TFEB: variants seen among roughly 807,000 people sequenced by gnomAD.
TFEB encodes T-cell transcription factor EB.
A neutral mutation model predicts 48.0 loss-of-function variants in TFEB; 12 were observed. The observed-to-expected ratio is 0.25, with a 90% CI of 0.16 to 0.40. TFEB has a LOEUF of 0.40. Ranked by LOEUF, TFEB falls within the 10% of genes least tolerant of loss-of-function variation. TFEB has a pLI of 1.00. For synonymous variants in TFEB, 244 were observed against 261.4 expected (o/e 0.93, Z 0.64); for missense variants, 509 against 640.3 (o/e 0.79, Z 2.21).
chr6:41,700,060 A>G (rs1769813917), intron 1 of TFEB, among the ~76,000 whole-genome samples: 1 of 152,324 alleles, frequency 6.6e-6, no homozygotes, highest in East Asian at 1.9e-4. Context: ...CAGCACACAA[A>G]GGCTGTCATG....
At chr6:41,705,613 C>T (rs1245834364) in intron 1 of TFEB, 1 of 152,496 alleles carries the variant, frequency 6.6e-6, no homozygotes, top group African/African-American at 2.4e-5. Flanking sequence ...CAACTCCACA[C>T]CCATTTTCAG....
intron 1 of TFEB, among the ~76,000 whole-genome samples, chr6:41,709,959 T>C (rs1186122804): frequency 6.6e-6 from 1 of 152,044 alleles, no homozygotes; most frequent in South Asian, 2.1e-4. Context: ...CACTAATTTG[T>C]TTATTTTTTG....
At chr6:41,697,981 A>G (rs1382249904) in intron 1 of TFEB, among the ~76,000 whole-genome samples, 2 of 152,248 alleles carry the variant, frequency 1.3e-5, no homozygotes, top group Non-Finnish European at 2.9e-5. Context: ...GTGTGGTTTT[A>G]AAAGCCTTTT....
chr6:41,734,266 G>T lies in TFEB; in HGVS notation c.-23+1084C>A. 1.2e-6 allele frequency: 1 copy of T among 819,428 alleles called. No homozygotes were observed. Among genetic ancestry groups the T allele is most frequent in the Non-Finnish European group, 1.5e-6 (1 of 678,480 alleles). 50.8% of individuals were successfully genotyped at this position (819,428 alleles called of 1,614,324 possible). ...CGGAGGGCGGGGGCCTGGGCCCAGC[G>T]GGGTTCGCGCAGACAAGCCCCGCCC... On this transcript the variant is annotated intron_variant, in intron 1 of 8. Transcript: ENST00000373033. This position sits in a 1 kb window ranked among gnomAD's most constrained non-coding sequence, Gnocchi z 4.0.
chr6:41,706,199 CA>C (rs769237099), intron 1 of TFEB, among the ~76,000 whole-genome samples: 8 of 152,220 alleles, frequency 5.3e-5, no homozygotes, highest in Non-Finnish European at 1.0e-4. Context: ...AGGCCTGCCC[CA>C]ACTGTCCCCT....
intron 1 of TFEB, among the ~76,000 whole-genome samples, chr6:41,700,339 G>A (rs1181507579): frequency 2.0e-5 from 3 of 152,002 alleles, no homozygotes; most frequent in African/African-American, 4.8e-5. Context: ...GGTGGCGGGC[G>A]CCTGTAGTCC....
At chr6:41,704,193 C>A (rs1003866357) in intron 1 of TFEB, among the ~76,000 whole-genome samples, 1 of 152,222 alleles carries the variant, frequency 6.6e-6, no homozygotes, top group East Asian at 1.9e-4. Flanking sequence ...GAGCCTCTGA[C>A]CCCGCCTCCA....
At chr6:41,704,834 G>A (rs777679949) in intron 1 of TFEB, among the ~76,000 whole-genome samples, 2 of 152,230 alleles carry the variant, frequency 1.3e-5, no homozygotes, top group Non-Finnish European at 2.9e-5. Flanking sequence ...AAATTAAGCA[G>A]CCTGATTCTC....
At chr6:41,731,636 G>A (rs1771454087) in intron 1 of TFEB, among the ~76,000 whole-genome samples, 1 of 152,114 alleles carries the variant, frequency 6.6e-6, no homozygotes, top group African/African-American at 2.4e-5. Context: ...CACACAGCCA[G>A]TGAGAGGCAC....
intron 1 of TFEB, among the ~76,000 whole-genome samples, chr6:41,701,391 A>G (rs1769913551): frequency 6.6e-6 from 1 of 152,320 alleles, no homozygotes; most frequent in South Asian, 2.1e-4. Flanking sequence ...CCTCAGCTAC[A>G]AGGAAGTTTC....
At chr6:41,728,709 ACT>A (rs1178699028) in intron 1 of TFEB, among the ~76,000 whole-genome samples, 1 of 151,624 alleles carries the variant, frequency 6.6e-6, no homozygotes, top group Non-Finnish European at 1.5e-5. Flanking sequence ...GTGCTGGCAG[ACT>A]CTCTGTGGGG....
chr6:41,689,635 G>T, intron 4 of TFEB, 96 bp downstream of exon 4: 1 of 934,010 alleles, frequency 1.1e-6, no homozygotes, highest in Non-Finnish European at 1.7e-6. Flanking sequence ...TCTGCCCAGT[G>T]AGAACCCTGT....
chr6:41,719,889 C>G (rs1342543191), intron 1 of TFEB, among the ~76,000 whole-genome samples: 1 of 152,192 alleles, frequency 6.6e-6, no homozygotes, highest in African/African-American at 2.4e-5. Context: ...GATTTAACCT[C>G]TCTGGGCCTC....
At chr6:41,714,126 C>T (rs9462741) in intron 1 of TFEB, among the ~76,000 whole-genome samples, 28 of 119,340 alleles carry the variant, frequency 2.3e-4, no homozygotes, top group East Asian at 5.2e-4. Context: ...TGTGTGTGTG[C>T]GTGTGCATGT....
intron 1 of TFEB, among the ~76,000 whole-genome samples, chr6:41,727,563 G>A (rs754255187): frequency 4.6e-5 from 7 of 152,180 alleles, no homozygotes; most frequent in Non-Finnish European, 5.9e-5. Context: ...GTAGTGGCAC[G>A]TGCCTCTGGT....
Position 41,691,080 on chromosome 6 carries a change from A to AGCT in TFEB, c.131_133dup (p.Gln44dup), listed in dbSNP as rs774309377. On this transcript the variant is annotated inframe_insertion, in exon 2 of 9. Transcript: ENST00000373033. This position sits in a 1 kb window ranked among gnomAD's most constrained non-coding sequence, Gnocchi z 5.2. ...GATGGCCGGGGTGGGCGGCCCTCCG[A>AGCT]GCTGCTGCTGTTGCTGCTGCTGCTG... 1.5e-5 allele frequency: 23 copies of AGCT among 1,574,550 alleles called. No individual in the cohort carries two copies. The highest frequency in any genetic ancestry group is 1.7e-4 in the Middle Eastern group (1 of 5,974).
At chr6:41,689,850 C>T (rs369258620) in intron 3 of TFEB, 39 bp from the exon 4 acceptor site, 36 of 1,567,030 alleles carry the variant, frequency 2.3e-5, no homozygotes, top group African/African-American at 1.1e-4. Context: ...GGGCCCACCA[C>T]GAGGTGGGCA....
At chr6:41,722,312 T>C (rs1231770885) in intron 1 of TFEB, among the ~76,000 whole-genome samples, 1 of 152,212 alleles carries the variant, frequency 6.6e-6, no homozygotes, top group East Asian at 1.9e-4. Context: ...TCTTTATAGC[T>C]GTGGGTTACT....
Position 41,724,277 on chromosome 6 carries a change from C to T in TFEB, c.-23+11073G>A, listed in dbSNP as rs77117753. The stretch of plus-strand genomic sequence containing the variant: ...TTTCTGGTGGCCAAGGGATTCCCAT[C>T]GTTGATAAGCAAATACCCTGTATTA... On this transcript the variant is annotated intron_variant, in intron 1 of 8. Transcript: ENST00000373033. The surrounding 1 kb of genome is among the most constrained non-coding windows in gnomAD (Gnocchi z 4.4). Among the ~76,000 whole-genome samples the T allele has an allele frequency of 0.019, 2,874 of 152,276 alleles. 34 individuals carry two copies. Among genetic ancestry groups the T allele is most frequent in the Middle Eastern group, 0.078 (23 of 294 alleles).
Sources: gnomAD v4.1 joint callset for allele counts (sites outside exome capture counted in the v4.1 genomes callset) on GRCh38, gnomAD v4.1.1 for gene constraint, Gnocchi (gnomAD v3.1) non-coding constraint, MANE v1.5 for transcripts, NCBI Gene and HGNC (gene_info 2026-07-23, HGNC 2026-07-21) for gene names.